The following ZNF723 variants were observed in gnomAD, a reference collection of about 807,000 sequenced individuals.
ZNF723 encodes the protein zinc finger protein 723, pseudogene.
A neutral mutation model predicts 9.4 loss-of-function variants in ZNF723; 5 were observed. That is an observed-to-expected ratio of 0.53 (90% CI 0.28 to 1.12). ZNF723 has a LOEUF of 1.12. Among genes scored for constraint, ZNF723 ranks in the 50% most tolerant of loss-of-function variants. The probability of loss-of-function intolerance (pLI) is 0.10; values close to 1 mark genes in which losing one functional copy is unlikely to be tolerated. For synonymous variants in ZNF723, 158 were observed against 168.8 expected (o/e 0.94, Z 0.49); for missense variants, 450 against 501.5 (o/e 0.90, Z 0.98).
chr19:22,816,686 A>G, the ZNF723 span, among the ~76,000 whole-genome samples: 1 of 152,208 alleles, frequency 6.6e-6, no homozygotes, highest in Non-Finnish European at 1.5e-5. Flanking sequence ...CATTTAGTCA[A>G]TGCGAATCTA....
intron 1 of ZNF723, among the ~76,000 whole-genome samples, chr19:22,844,646 T>G (rs1434308617): frequency 1.3e-5 from 2 of 152,208 alleles, no homozygotes; most frequent in Non-Finnish European, 2.9e-5. Context: ...CTGTAAACTT[T>G]AAAGAACCAG....
intron 3 of ZNF723, among the ~76,000 whole-genome samples, chr19:22,852,368 C>T (rs1404029550): frequency 6.6e-6 from 1 of 152,004 alleles, no homozygotes; most frequent in East Asian, 1.9e-4. Context: ...AAAGTCTGTA[C>T]AATTTAAGAA....
At chr19:22,832,846 G>A (rs1021632346) in intron 1 of ZNF723, among the ~76,000 whole-genome samples, 1 of 152,210 alleles carries the variant, frequency 6.6e-6, no homozygotes, top group Non-Finnish European at 1.5e-5. Flanking sequence ...CCTATGGGTT[G>A]TAGTTTGTGG....
At chr19:22,841,803 T>C (rs1439183382) in intron 1 of ZNF723, among the ~76,000 whole-genome samples, 1 of 152,078 alleles carries the variant, frequency 6.6e-6, no homozygotes, top group Non-Finnish European at 1.5e-5. Flanking sequence ...CTTCCTCCTA[T>C]TGCTAAAATA....
At chr19:22,812,958 G>T in the ZNF723 span, among the ~76,000 whole-genome samples, 11 of 150,552 alleles carry the variant, frequency 7.3e-5, 1 homozygote, top group African/African-American at 7.4e-5. Flanking sequence ...TGTTTTTTTT[G>T]TTTGTTTGTT....
chr19:22,814,650 C>T, the ZNF723 span, among the ~76,000 whole-genome samples: 2 of 152,182 alleles, frequency 1.3e-5, no homozygotes, highest in African/African-American at 2.4e-5. Flanking sequence ...TATTGACTCT[C>T]ATACCTAGAA....
chr19:22,843,008 G>C (rs1230453878), intron 1 of ZNF723, among the ~76,000 whole-genome samples: 1 of 152,196 alleles, frequency 6.6e-6, no homozygotes, highest in South Asian at 2.1e-4. Context: ...GGCAGAATAC[G>C]TAAGTGTGAA....
At chr19:22,825,678 C>T in the ZNF723 span, among the ~76,000 whole-genome samples, 1 of 152,240 alleles carries the variant, frequency 6.6e-6, no homozygotes, top group African/African-American at 2.4e-5. Context: ...TATGACTCTC[C>T]TCCCATGTCT....
At chr19:22,818,322 C>T in the ZNF723 span, among the ~76,000 whole-genome samples, 7 of 152,124 alleles carry the variant, frequency 4.6e-5, no homozygotes, top group Admixed American at 4.6e-4. Context: ...AATTGTCATC[C>T]TTCCACATGA....
intron 1 of ZNF723, among the ~76,000 whole-genome samples, chr19:22,844,606 T>G (rs1967285098): frequency 6.6e-6 from 1 of 152,216 alleles, no homozygotes; most frequent in African/African-American, 2.4e-5. Context: ...AAATGTAGGC[T>G]TATTCAGGCA....
the ZNF723 span, among the ~76,000 whole-genome samples, chr19:22,826,820 A>C: frequency 8.3e-4 from 126 of 152,208 alleles, no homozygotes; most frequent in Non-Finnish European, 1.6e-3. Context: ...ATATGTAGAG[A>C]ATTTTGCTGC....
chr19:22,857,702 A>G lies in ZNF723; in HGVS notation c.811A>G (p.Ser271Gly), dbSNP rs1230485604. The change falls in exon 4 of 4, where the codon AGC (serine) becomes GGC (glycine). Residue 271 changes from serine to glycine, a missense_variant. Physicochemically the swap from Ser to Gly is moderately conservative, Grantham distance 56 (BLOSUM62 0). Transcript: ENST00000600766. ...TGGCAAAACCTTTAATATGTTCTCA[A>G]GCCTTAATAATCATAAGAGAATTCA... Reference protein sequence around the residue: ...ECGKTFNMFSSLNNHKRIHTG... With the variant: ...ECGKTFNMFSGLNNHKRIHTG... The G allele has an allele frequency of 7.9e-7, 1 of 1,267,094 alleles. No individual in the cohort carries two copies. The highest frequency in any genetic ancestry group is 2.3e-5 in the East Asian group (1 of 43,198). The allele number at this position is 1,267,094 out of a possible 1,614,324, so 78.5% of individuals were successfully genotyped here. A position where few individuals can be genotyped will look rare whatever the true frequency, so the allele number is the denominator to read the frequency against.
intron 1 of ZNF723, among the ~76,000 whole-genome samples, chr19:22,843,819 A>AT (rs1967276128): frequency 1.3e-5 from 2 of 152,186 alleles, no homozygotes; most frequent in African/African-American, 4.8e-5. Flanking sequence ...ACCTTAAGAC[A>AT]TTTATTTAAA....
the ZNF723 span, among the ~76,000 whole-genome samples, chr19:22,821,327 A>C: frequency 6.6e-6 from 1 of 152,230 alleles, no homozygotes; most frequent in East Asian, 1.9e-4. Context: ...TGGTGCAAGC[A>C]TCTAAGGTAT....
intron 3 of ZNF723, among the ~76,000 whole-genome samples, chr19:22,854,594 T>G (rs1239429733): frequency 6.7e-6 from 1 of 149,552 alleles, no homozygotes; most frequent in African/African-American, 2.5e-5. Flanking sequence ...CTTTCTGCCC[T>G]CTTTTGTGTC....
At chr19:22,815,188 A>G in the ZNF723 span, among the ~76,000 whole-genome samples, 2 of 151,934 alleles carry the variant, frequency 1.3e-5, no homozygotes, top group African/African-American at 4.8e-5. Context: ...CACATATTTT[A>G]GGTATTGTTA....
At chr19:22,841,062 G>T (rs1372401908) in intron 1 of ZNF723, 2 of 152,250 alleles carry the variant, frequency 1.3e-5, no homozygotes, top group African/African-American at 4.8e-5. Flanking sequence ...ATGGCCATCA[G>T]GAGAGGGCAA....
At chr19:22,842,563 A>G (rs544836698) in intron 1 of ZNF723, among the ~76,000 whole-genome samples, 6 of 152,182 alleles carry the variant, frequency 3.9e-5, no homozygotes, top group African/African-American at 1.4e-4. Flanking sequence ...TGTAGATGAC[A>G]GGCAACTTGA....
intron 1 of ZNF723, among the ~76,000 whole-genome samples, chr19:22,847,136 C>T (rs1194045269): frequency 6.6e-6 from 1 of 150,966 alleles, no homozygotes; most frequent in Non-Finnish European, 1.5e-5. Flanking sequence ...AATGTAGTGG[C>T]GTGATCTCGA....
Sources: allele counts gnomAD v4.1 joint callset (sites outside exome capture counted in the v4.1 genomes callset), GRCh38; gene constraint gnomAD v4.1.1; transcripts MANE v1.5; gene names NCBI Gene and HGNC (gene_info 2026-07-23, HGNC 2026-07-21).